The following HDGFL2 variants were observed in gnomAD, a reference collection of about 807,000 sequenced individuals.
HDGFL2 encodes HDGF like 2, also known as hepatoma-derived growth factor-related protein 2.
A neutral mutation model predicts 77.1 loss-of-function variants in HDGFL2; 36 were observed. The ratio of observed to expected loss-of-function variants is 0.47; its 90% CI spans 0.36 to 0.62. The LOEUF is 0.62. Among genes scored for constraint, HDGFL2 ranks in the 20% least tolerant of loss-of-function variants. The pLI is 0.00. For synonymous variants in HDGFL2, 463 were observed against 413.1 expected (o/e 1.12, Z -1.46); for missense variants, 976 against 973.4 (o/e 1.00, Z -0.04).
chr19:4,474,656 T>C (rs1380632988), intron 1 of HDGFL2, among the ~76,000 whole-genome samples: 1 of 151,994 alleles, frequency 6.6e-6, no homozygotes, highest in Admixed American at 6.6e-5. Flanking sequence ...CTTTCCCAGC[T>C]CTCTTCTTCC....
chr19:4,499,885 G>A (rs1053764639), intron 14 of HDGFL2, among the ~76,000 whole-genome samples, 181 bp downstream of exon 14: 3 of 152,340 alleles, frequency 2.0e-5, no homozygotes, highest in African/African-American at 7.2e-5. Flanking sequence ...GCCAGTGAGG[G>A]GCATTCAGGT....
At chr19:4,487,260 C>G (rs1259604047) in intron 3 of HDGFL2, among the ~76,000 whole-genome samples, 5 of 151,932 alleles carry the variant, frequency 3.3e-5, no homozygotes, top group African/African-American at 4.8e-5. Flanking sequence ...GCCACCGCAC[C>G]CGGGTTCTCT....
At chr19:4,491,871 C>T (rs569148044) in intron 6 of HDGFL2, 36 bp downstream of exon 6, 9 of 1,567,540 alleles carry the variant, frequency 5.7e-6, no homozygotes, top group South Asian at 1.1e-5. Context: ...CATGCCCACT[C>T]GTGGGGCACC....
chr19:4,501,465 ACCCCAGGG>A, intron 15 of HDGFL2, 148 bp downstream of exon 15: 1 of 929,132 alleles, frequency 1.1e-6, no homozygotes, highest in Non-Finnish European at 1.5e-6. Flanking sequence ...TTCACAGCTG[ACCCCAGGG>A]CCCCGCTGGC....
intron 6 of HDGFL2, among the ~76,000 whole-genome samples, chr19:4,492,330 C>T (rs1228858841): frequency 3.1e-5 from 4 of 129,186 alleles, no homozygotes; most frequent in Admixed American, 8.2e-5. Context: ...CGTGTGTGCA[C>T]ATGTCGTGCC....
At chr19:4,499,725 G>T in intron 14 of HDGFL2, 21 bp downstream of exon 14, 1 of 1,440,482 alleles carries the variant, frequency 6.9e-7, no homozygotes. Flanking sequence ...GGTGGGGTGG[G>T]CCCTGTACCT....
chr19:4,472,496 A>G, intron 1 of HDGFL2, 74 bp downstream of exon 1: 1 of 816,120 alleles, frequency 1.2e-6, no homozygotes, highest in Non-Finnish European at 1.6e-6. Context: ...GGAGGCGGGC[A>G]CTGGAGGGCC....
At chr19:4,500,166 G>A (rs948227941) in intron 14 of HDGFL2, among the ~76,000 whole-genome samples, 1 of 152,368 alleles carries the variant, frequency 6.6e-6, no homozygotes, top group East Asian at 1.9e-4. Flanking sequence ...TGGCTGTGGG[G>A]CTACTGGGCT....
Position 4,501,735 on chromosome 19 carries a change from G to C in HDGFL2, c.1917-176G>C, listed in dbSNP as rs983904988. 17 of 542,358 alleles carry C rather than the reference G, an allele frequency of 3.1e-5. No individual in the cohort carries two copies. The African/African-American group carries it at 3.3e-4, about 11-fold the overall frequency. 33.6% of individuals were successfully genotyped at this position (542,358 alleles called of 1,614,324 possible). A position where few individuals can be genotyped will look rare whatever the true frequency, so the allele number is the denominator to read the frequency against. On this transcript the variant is annotated intron_variant, in intron 15 of 15. Coordinates refer to ENST00000616600, the MANE Select transcript of HDGFL2 (RefSeq NM_001001520.3). ...TATGCCTGGCTGGCGCCAGCGTGGGGACCCTGGAGATGGTTGTGGTCTCTA... is the reference window on the plus strand; with the variant it reads ...TATGCCTGGCTGGCGCCAGCGTGGGCACCCTGGAGATGGTTGTGGTCTCTA...
At chr19:4,478,070 ACTCTGT>A (rs1975115729) in intron 3 of HDGFL2, among the ~76,000 whole-genome samples, 1 of 127,518 alleles carries the variant, frequency 7.8e-6, no homozygotes. Flanking sequence ...ACAGAACGAG[ACTCTGT>A]CTCAAAAAAA....
intron 14 of HDGFL2, among the ~76,000 whole-genome samples, chr19:4,500,475 T>TG (rs1568219232): frequency 1.8e-5 from 2 of 110,540 alleles, no homozygotes; most frequent in African/African-American, 3.3e-5. Flanking sequence ...TTTTTTTTTT[T>TG]TTTGAGACGG....
At chr19:4,500,152 C>T (rs958269599) in intron 14 of HDGFL2, among the ~76,000 whole-genome samples, 3 of 152,248 alleles carry the variant, frequency 2.0e-5, no homozygotes, top group African/African-American at 7.2e-5. Context: ...ACCCTCGGGG[C>T]TGCTGGCTGT....
chr19:4,484,736 A>G (rs1422509634), intron 3 of HDGFL2, among the ~76,000 whole-genome samples: 2 of 131,754 alleles, frequency 1.5e-5, no homozygotes, highest in Non-Finnish European at 3.1e-5. Flanking sequence ...TAGTGGCACA[A>G]TCTCAGCTCA....
At chr19:4,483,336 T>C (rs1033888375) in intron 3 of HDGFL2, among the ~76,000 whole-genome samples, 1 of 152,018 alleles carries the variant, frequency 6.6e-6, no homozygotes, top group African/African-American at 2.4e-5. Flanking sequence ...TGCTGTGGGC[T>C]CCCAGCCTCT....
At chr19:4,478,092 A>G (rs1396981010) in intron 3 of HDGFL2, among the ~76,000 whole-genome samples, 1 of 151,510 alleles carries the variant, frequency 6.6e-6, no homozygotes, top group Non-Finnish European at 1.5e-5. Flanking sequence ...AAAAAAAAAA[A>G]AAAAAGATGC....
intron 10 of HDGFL2, chr19:4,497,193 T>C (rs1197713037): frequency 4.7e-6 from 2 of 429,720 alleles, no homozygotes; most frequent in South Asian, 1.6e-5. Context: ...TTTTTGTTTT[T>C]GTTTTTGTTT....
At chr19:4,498,964 G>A (rs375328111) in intron 13 of HDGFL2, 49 bp downstream of exon 13, 247 of 1,341,504 alleles carry the variant, frequency 1.8e-4, no homozygotes, top group Non-Finnish European at 2.4e-4. Flanking sequence ...GGAGCTGGGA[G>A]CAAGTGCCTG....
intron 6 of HDGFL2, 124 bp downstream of exon 6, chr19:4,491,959 G>A (rs1246422499): frequency 7.1e-6 from 6 of 848,436 alleles, no homozygotes; most frequent in East Asian, 2.5e-5. Flanking sequence ...CAGGGTACCC[G>A]AGGGGACCGC....
At position 4,493,936 on chromosome 19, in the gene HDGFL2, T is replaced by A. The variant is rs142516056; in HGVS notation, c.839-46T>A. 12 of 1,569,332 alleles carry A rather than the reference T, an allele frequency of 7.6e-6. No individual in the cohort carries two copies. The East Asian group carries it at 2.3e-4, about 30-fold the overall frequency. On this transcript the variant is annotated intron_variant, in intron 7 of 15. Transcript: ENST00000616600. Reference sequence around the variant, plus strand: ...GCTCCCAGGCAGTCCCCTGGTCACCTTGGAGCCCTGGAAGGGAAGGTCACC... The same window carrying A: ...GCTCCCAGGCAGTCCCCTGGTCACCATGGAGCCCTGGAAGGGAAGGTCACC...
Sources: allele counts gnomAD v4.1 joint callset (sites outside exome capture counted in the v4.1 genomes callset), GRCh38; gene constraint gnomAD v4.1.1; transcripts MANE v1.5; gene names NCBI Gene and HGNC (gene_info 2026-07-23, HGNC 2026-07-21).